Variants in GPD2 observed in about 807,000 individuals in gnomAD.
GPD2 encodes glycerol-3-phosphate dehydrogenase, mitochondrial.
In GPD2, 54 loss-of-function variants were observed where a neutral mutation model predicts 82.4. That is an observed-to-expected ratio of 0.66 (90% confidence interval 0.53 to 0.82). The LOEUF (loss-of-function observed/expected upper bound fraction) is 0.82. Among genes scored for constraint, GPD2 ranks in the 40% least tolerant of loss-of-function variants. GPD2 has a pLI of 0.00. For missense variants in GPD2, 748 were observed against 896.2 expected, an observed-to-expected ratio of 0.83 and a Z score of 2.11; for synonymous variants, 288 against 306.1, an observed-to-expected ratio of 0.94 and a Z score of 0.62.
At chr2:156,489,580 A>G (rs560660460) in intron 2 of GPD2, among the ~76,000 whole-genome samples, 54 of 152,264 alleles carry the variant, frequency 3.5e-4, no homozygotes, top group African/African-American at 1.3e-3. Flanking sequence ...TCCCTGGGCT[A>G]TAGAATCCTT....
At chr2:156,501,965 A>G (rs906635645) in intron 3 of GPD2, 1 of 162,164 alleles carries the variant, frequency 6.2e-6, no homozygotes, top group African/African-American at 2.4e-5. Flanking sequence ...AGAATCAGTC[A>G]TGGAGTCTAT....
chr2:156,568,763 T>C, intron 9 of GPD2, 62 bp from the exon 10 acceptor site: 1 of 1,436,830 alleles, frequency 7.0e-7, no homozygotes, highest in Non-Finnish European at 9.8e-7. Context: ...ATTAACTGTT[T>C]AATATTTTTA....
At chr2:156,476,007 G>T in intron 1 of GPD2, 91 bp from the exon 2 acceptor site, 1 of 764,910 alleles carries the variant, frequency 1.3e-6, no homozygotes, top group South Asian at 1.4e-5. Context: ...GTTTAACATG[G>T]TTTCATAATC....
intron 2 of GPD2, among the ~76,000 whole-genome samples, chr2:156,494,220 A>C (rs770023527): frequency 1.3e-5 from 2 of 152,174 alleles, no homozygotes; most frequent in Non-Finnish European, 2.9e-5. Flanking sequence ...GAAAGTTCCT[A>C]ATCATATGTG....
intron 6 of GPD2, among the ~76,000 whole-genome samples, chr2:156,523,268 C>T (rs879593373): frequency 1.3e-5 from 2 of 152,184 alleles, no homozygotes; most frequent in Non-Finnish European, 2.9e-5. Context: ...CCCCTAACCC[C>T]TGGCAACCAA....
At chr2:156,496,346 C>A in intron 3 of GPD2, 131 bp downstream of exon 3, 1 of 661,302 alleles carries the variant, frequency 1.5e-6, no homozygotes, top group Non-Finnish European at 2.7e-6. Flanking sequence ...TAGGTACAAG[C>A]TCAGCATGCA....
In GPD2 at chr2:156,586,039, A is replaced by T. The variant is rs544683132; in HGVS notation, c.*3121A>T. On this transcript the variant is annotated 3_prime_UTR_variant, in exon 17 of 17. Coordinates refer to ENST00000438166, the MANE Select transcript of GPD2 (RefSeq NM_000408.5). ...TTATGGCCATTATTTATTACTTTTG[A>T]TACACAGAATGAGCTGCATGCATTT... The T allele has an allele frequency of 2.6e-5, 4 of 152,490 alleles. No homozygotes were observed. In the South Asian group the frequency reaches 6.2e-4, roughly 24 times the overall value. The allele number at this position is 152,490 out of a possible 1,614,324, so 9.4% of individuals were successfully genotyped here.
chr2:156,461,200 A>C, intron 1 of GPD2, among the ~76,000 whole-genome samples: 1 of 127,848 alleles, frequency 7.8e-6, no homozygotes, highest in East Asian at 2.2e-4. Context: ...ACAGGATCTC[A>C]CTCTGTTGCC....
intron 6 of GPD2, among the ~76,000 whole-genome samples, chr2:156,539,324 G>A (rs578189847): frequency 1.6e-4 from 24 of 152,262 alleles, no homozygotes; most frequent in African/African-American, 4.8e-4. Flanking sequence ...GGAAAGGGAC[G>A]TCCCCAGAAC....
chr2:156,454,357 C>A (rs555398759), intron 1 of GPD2, among the ~76,000 whole-genome samples: 3 of 152,054 alleles, frequency 2.0e-5, no homozygotes, highest in African/African-American at 7.2e-5. Context: ...GAAACTAGAC[C>A]TAAGTATGAG....
intron 6 of GPD2, among the ~76,000 whole-genome samples, chr2:156,531,099 G>A (rs1685838356): frequency 6.6e-6 from 1 of 152,090 alleles, no homozygotes; most frequent in Non-Finnish European, 1.5e-5. Flanking sequence ...ATCTAGATGC[G>A]ATTAAACACT....
At chr2:156,554,190 G>T (rs1264671579) in intron 8 of GPD2, among the ~76,000 whole-genome samples, 1 of 152,162 alleles carries the variant, frequency 6.6e-6, no homozygotes, top group Non-Finnish European at 1.5e-5. Flanking sequence ...ATTCTCTTGG[G>T]TGATATTAGG....
chr2:156,482,322 T>C (rs146128260), intron 2 of GPD2, among the ~76,000 whole-genome samples: 252 of 152,348 alleles, frequency 1.7e-3, no homozygotes, highest in African/African-American at 5.7e-3. Context: ...TCAACACCAA[T>C]TGTTGACTTA....
intron 1 of GPD2, among the ~76,000 whole-genome samples, chr2:156,470,026 G>C (rs1415312871): frequency 6.6e-6 from 1 of 152,118 alleles, no homozygotes; most frequent in African/African-American, 2.4e-5. Flanking sequence ...GCTGCTGGTT[G>C]CCCATTTTTA....
the GPD2 span, among the ~76,000 whole-genome samples, chr2:156,404,018 C>T: frequency 6.6e-6 from 1 of 152,024 alleles, no homozygotes; most frequent in South Asian, 2.1e-4. Context: ...CAGCCATGCC[C>T]GACTAGAAAA....
chr2:156,483,392 T>C, intron 2 of GPD2, among the ~76,000 whole-genome samples: 1 of 152,218 alleles, frequency 6.6e-6, no homozygotes, highest in East Asian at 1.9e-4. Context: ...AGTCAATACA[T>C]ACAAATCAGT....
At chr2:156,461,555 T>C (rs1682988670) in intron 1 of GPD2, among the ~76,000 whole-genome samples, 1 of 152,106 alleles carries the variant, frequency 6.6e-6, no homozygotes, top group African/African-American at 2.4e-5. Flanking sequence ...ATTTTTTCTA[T>C]TTTTTGTAGG....
At chr2:156,451,437 C>T (rs1280556473) in intron 1 of GPD2, among the ~76,000 whole-genome samples, 1 of 125,604 alleles carries the variant, frequency 8.0e-6, no homozygotes, top group African/African-American at 3.0e-5. Context: ...CCCCACCTCC[C>T]TCCCGGACGG....
intron 6 of GPD2, among the ~76,000 whole-genome samples, chr2:156,543,058 T>C (rs1046411222): frequency 2.6e-5 from 4 of 152,152 alleles, no homozygotes; most frequent in African/African-American, 9.7e-5. Flanking sequence ...CCACTTACCG[T>C]CTTAATCATA....
Sources: gnomAD v4.1 joint callset for allele counts (sites outside exome capture counted in the v4.1 genomes callset) on GRCh38, gnomAD v4.1.1 for gene constraint, MANE v1.5 for transcripts, NCBI Gene and HGNC (gene_info 2026-07-23, HGNC 2026-07-21) for gene names.